Variants in SH3GL2 observed in about 807,000 individuals in gnomAD.
SH3GL2 encodes endophilin-A1.
A neutral mutation model predicts 46.0 loss-of-function variants in SH3GL2; 24 were observed. The observed-to-expected ratio is 0.52, with a 90% CI of 0.38 to 0.73. The LOEUF is 0.73. Ranked by LOEUF, SH3GL2 falls within the 30% of genes least tolerant of loss-of-function variation. SH3GL2 has a pLI of 0.00. For synonymous variants in SH3GL2, 196 were observed against 147.1 expected (o/e 1.33, Z -2.40); for missense variants, 413 against 424.2 (o/e 0.97, Z 0.23).
chr9:17,596,798 G>A (rs1423208875), intron 1 of SH3GL2, among the ~76,000 whole-genome samples: 2 of 152,166 alleles, frequency 1.3e-5, no homozygotes, highest in African/African-American at 2.4e-5. Context: ...AAACACTACC[G>A]TGAAACGTAG....
At chr9:17,594,143 C>T (rs547306946) in intron 1 of SH3GL2, among the ~76,000 whole-genome samples, 2 of 152,270 alleles carry the variant, frequency 1.3e-5, no homozygotes, top group African/African-American at 4.8e-5. Context: ...CAGGATAGGT[C>T]CCTCTGAAGT....
intron 2 of SH3GL2, among the ~76,000 whole-genome samples, chr9:17,754,182 G>T (rs1822925420): frequency 6.6e-6 from 1 of 152,092 alleles, no homozygotes; most frequent in African/African-American, 2.4e-5. Context: ...GTTTCCATAT[G>T]AATTTTAAAG....
At chr9:17,597,978 G>A (rs1047535382) in intron 1 of SH3GL2, among the ~76,000 whole-genome samples, 5 of 152,134 alleles carry the variant, frequency 3.3e-5, no homozygotes, top group African/African-American at 7.2e-5. Flanking sequence ...CCCTGCCCCC[G>A]TGGAACTGGC....
intron 1 of SH3GL2, among the ~76,000 whole-genome samples, chr9:17,652,253 C>A (rs1819975333): frequency 6.6e-6 from 1 of 152,000 alleles, no homozygotes; most frequent in South Asian, 2.1e-4. Flanking sequence ...ATGAGTTCTT[C>A]CCTTCTCATT....
chr9:17,668,370 G>T (rs371687971), intron 1 of SH3GL2, among the ~76,000 whole-genome samples: 2 of 152,158 alleles, frequency 1.3e-5, no homozygotes, highest in African/African-American at 4.8e-5. Context: ...TTTTTGAAAC[G>T]ACTGTTCTTT....
intron 1 of SH3GL2, among the ~76,000 whole-genome samples, chr9:17,647,194 C>G (rs1439600063): frequency 6.6e-6 from 1 of 152,172 alleles, no homozygotes; most frequent in Non-Finnish European, 1.5e-5. Flanking sequence ...GACTTGTAAA[C>G]ATTTATTTTA....
At chr9:17,721,236 A>C (rs1035745665) in intron 1 of SH3GL2, among the ~76,000 whole-genome samples, 2 of 152,098 alleles carry the variant, frequency 1.3e-5, no homozygotes, top group South Asian at 4.1e-4. Flanking sequence ...AAATGGCCAC[A>C]TCCAGGGGTT....
chr9:17,711,768 A>G (rs1482876676), intron 1 of SH3GL2, among the ~76,000 whole-genome samples: 2 of 151,890 alleles, frequency 1.3e-5, no homozygotes, highest in African/African-American at 2.4e-5. Context: ...TAAACCTGCT[A>G]TGAATATTCT....
At chr9:17,758,839 C>T (rs1823085575) in intron 2 of SH3GL2, among the ~76,000 whole-genome samples, 1 of 152,024 alleles carries the variant, frequency 6.6e-6, no homozygotes, top group Admixed American at 6.6e-5. Flanking sequence ...GGCACAAAGT[C>T]GGTAAACATC....
At position 17,597,567 on chromosome 9, in the gene SH3GL2, T is replaced by G. The variant is rs529918478; in HGVS notation, c.45+18280T>G. 9.2e-5 allele frequency among the ~76,000 whole-genome samples: 14 copies of G among 152,232 alleles called. No individual in the cohort carries two copies. The East Asian group carries it at 2.7e-3, about 29-fold the overall frequency. ...CAATGATTTTTTGAATGAAGGTAGA[T>G]GTAGCATAATTGAACTTTGTTACTT... On this transcript the variant is annotated intron_variant, in intron 1 of 8. Coordinates refer to ENST00000380607, the MANE Select transcript of SH3GL2 (RefSeq NM_003026.5).
At chr9:17,681,762 A>G (rs759298129) in intron 1 of SH3GL2, among the ~76,000 whole-genome samples, 1 of 152,198 alleles carries the variant, frequency 6.6e-6, no homozygotes, top group Non-Finnish European at 1.5e-5. Flanking sequence ...GTCAGAGTGA[A>G]TAGGCAACCA....
At chr9:17,680,240 C>T (rs1161354664) in intron 1 of SH3GL2, among the ~76,000 whole-genome samples, 2 of 152,124 alleles carry the variant, frequency 1.3e-5, no homozygotes, top group African/African-American at 4.8e-5. Flanking sequence ...TAGAATTCGG[C>T]TGTGAATCTG....
At chr9:17,768,527 G>T (rs181187913) in intron 3 of SH3GL2, among the ~76,000 whole-genome samples, 2 of 152,138 alleles carry the variant, frequency 1.3e-5, no homozygotes, top group African/African-American at 4.8e-5. Context: ...TAAATCCTCA[G>T]CATGGCCTTT....
chr9:17,640,998 C>G (rs1181019685), intron 1 of SH3GL2, among the ~76,000 whole-genome samples: 1 of 152,054 alleles, frequency 6.6e-6, no homozygotes, highest in East Asian at 1.9e-4. Context: ...AAGTAAAACT[C>G]TGAATTTAGG....
At chr9:17,595,000 A>C (rs1818545601) in intron 1 of SH3GL2, among the ~76,000 whole-genome samples, 1 of 152,214 alleles carries the variant, frequency 6.6e-6, no homozygotes, top group Non-Finnish European at 1.5e-5. Flanking sequence ...TGTAAGTTTA[A>C]AATAAACTTC....
intron 1 of SH3GL2, among the ~76,000 whole-genome samples, chr9:17,653,535 A>T (rs191691169): frequency 5.2e-4 from 79 of 152,242 alleles, no homozygotes; most frequent in African/African-American, 1.8e-3. Context: ...CATTTGCCTC[A>T]TAATTTTCTC....
chr9:17,713,726 A>G (rs1185930699), intron 1 of SH3GL2, among the ~76,000 whole-genome samples: 2 of 151,698 alleles, frequency 1.3e-5, no homozygotes, highest in Admixed American at 1.3e-4. Context: ...ATGTAATTCC[A>G]TTGTGGTTAG....
intron 1 of SH3GL2, among the ~76,000 whole-genome samples, chr9:17,687,181 T>G (rs889844455): frequency 3.3e-4 from 50 of 152,160 alleles, no homozygotes; most frequent in Non-Finnish European, 6.2e-4. Flanking sequence ...ATTTTTCTTA[T>G]AATCATTTCA....
chr9:17,588,161 G>T (rs564239701), intron 1 of SH3GL2, among the ~76,000 whole-genome samples: 1 of 152,216 alleles, frequency 6.6e-6, no homozygotes, highest in East Asian at 1.9e-4. Flanking sequence ...ACCCTGGATC[G>T]GTTCTGCCAT....
Sources: allele counts gnomAD v4.1 joint callset (sites outside exome capture counted in the v4.1 genomes callset), GRCh38; gene constraint gnomAD v4.1.1; transcripts MANE v1.5; gene names NCBI Gene and HGNC (gene_info 2026-07-23, HGNC 2026-07-21).